The following DOP1A variants were observed in gnomAD, a reference collection of about 807,000 sequenced individuals.
DOP1A encodes DOP1 leucine zipper like protein A.
A neutral mutation model predicts 267.6 loss-of-function variants in DOP1A; 90 were observed. The ratio of observed to expected loss-of-function variants is 0.34; its 90% CI spans 0.28 to 0.40. DOP1A has a LOEUF of 0.40. Ranked by LOEUF, DOP1A falls within the 10% of genes least tolerant of loss-of-function variation. DOP1A has a pLI of 1.00. For missense variants in DOP1A, 2,437 were observed against 2,900.4 expected, an observed-to-expected ratio of 0.84 and a Z score of 3.67; for synonymous variants, 932 against 999.1, an observed-to-expected ratio of 0.93 and a Z score of 1.27.
At chr6:83,165,658 C>A (rs901767467) in intron 38 of DOP1A, 1 of 202,306 alleles carries the variant, frequency 4.9e-6, no homozygotes, top group Admixed American at 5.2e-5. Flanking sequence ...CCCTGCAAAA[C>A]GTTGCTGAGA....
intron 35 of DOP1A, among the ~76,000 whole-genome samples, 177 bp downstream of exon 35, chr6:83,157,495 G>C (rs1002903796): frequency 5.3e-5 from 8 of 152,128 alleles, no homozygotes; most frequent in Admixed American, 4.6e-4. Flanking sequence ...TTTCCATACA[G>C]CTTAAATTTA....
chr6:83,140,839 G>C (rs1476302741), intron 23 of DOP1A, among the ~76,000 whole-genome samples: 1 of 151,836 alleles, frequency 6.6e-6, no homozygotes, highest in East Asian at 1.9e-4. Flanking sequence ...ATATTTTTAA[G>C]GTTCATTCAT....
intron 4 of DOP1A, among the ~76,000 whole-genome samples, chr6:83,105,107 A>G (rs1434645836): frequency 6.6e-6 from 1 of 152,066 alleles, no homozygotes; most frequent in East Asian, 1.9e-4. Flanking sequence ...CCAAACAATT[A>G]AAATATATAC....
At chr6:83,152,620 CTT>C (rs35823510) in intron 30 of DOP1A, among the ~76,000 whole-genome samples, 10 of 133,854 alleles carry the variant, frequency 7.5e-5, no homozygotes, top group East Asian at 2.2e-4. Context: ...TTTTCTTTTT[CTT>C]TTTTTTTTTT....
intron 20 of DOP1A, 52 bp from the exon 21 acceptor site, chr6:83,137,121 A>T (rs1778983988): frequency 6.9e-7 from 1 of 1,443,140 alleles, no homozygotes; most frequent in South Asian, 1.5e-5. Flanking sequence ...CATTTCAATT[A>T]TTTTAATGCA....
chr6:83,135,563 G>T, intron 19 of DOP1A, 56 bp from the exon 20 acceptor site: 1 of 1,502,012 alleles, frequency 6.7e-7, no homozygotes, highest in Non-Finnish European at 9.0e-7. Flanking sequence ...TTTTATAAAA[G>T]AGTGTGACAA....
At chr6:83,130,067 G>A (rs1777786306) in intron 16 of DOP1A, 56 bp from the exon 17 acceptor site, 1 of 1,566,378 alleles carries the variant, frequency 6.4e-7, no homozygotes, top group South Asian at 1.2e-5. Flanking sequence ...TTAACTTAGA[G>A]TGTGTGTGAA....
chr6:83,155,528 A>G (rs1782614582), intron 33 of DOP1A, among the ~76,000 whole-genome samples: 1 of 152,104 alleles, frequency 6.6e-6, no homozygotes, highest in Non-Finnish European at 1.5e-5. Context: ...TGAGAGAATG[A>G]CAAGCAAGAC....
chr6:83,151,255 A>C (rs1781612459), intron 27 of DOP1A, among the ~76,000 whole-genome samples: 1 of 152,162 alleles, frequency 6.6e-6, no homozygotes, highest in Admixed American at 6.5e-5. Context: ...CTTGGCCTCA[A>C]GCAATTCTCC....
chr6:83,094,683 C>G (rs921602717), intron 1 of DOP1A, among the ~76,000 whole-genome samples: 2 of 152,070 alleles, frequency 1.3e-5, no homozygotes, highest in African/African-American at 2.4e-5. Flanking sequence ...GTACATTTTC[C>G]TTTTAGAAAT....
At chr6:83,078,652 C>T (rs767142035) in intron 1 of DOP1A, among the ~76,000 whole-genome samples, 23 of 152,134 alleles carry the variant, frequency 1.5e-4, no homozygotes, top group African/African-American at 2.7e-4. Context: ...GACTTTACAG[C>T]ATTTCTTGGA....
At chr6:83,164,150 G>A (rs1026034273) in intron 38 of DOP1A, among the ~76,000 whole-genome samples, 4 of 148,700 alleles carry the variant, frequency 2.7e-5, no homozygotes, top group African/African-American at 1.0e-4. Flanking sequence ...GTCTTCTGGA[G>A]TCCTCCTAAT....
chr6:83,166,043 T>A (rs1005597363), intron 38 of DOP1A: 1 of 281,564 alleles, frequency 3.6e-6, no homozygotes, highest in African/African-American at 2.2e-5. Flanking sequence ...CATCGCCAGT[T>A]GTCGTATAAA....
At position 83,125,691 on chromosome 6, in the gene DOP1A, A is replaced by C; in HGVS notation, c.1677A>C (p.Pro559=). 1 of 1,613,554 alleles carries C rather than the reference A, an allele frequency of 6.2e-7. No individual in the cohort carries two copies. Among genetic ancestry groups the C allele is most frequent in the Non-Finnish European group, 8.5e-7 (1 of 1,179,608 alleles). Residue 559 remains proline (P), a synonymous_variant, in exon 15 of 39, where the codon CCA becomes CCC. Coordinates refer to ENST00000349129, the MANE Select transcript of DOP1A (RefSeq NM_015018.4). ...SASTGGVLQF[P]SGQNNSVKEW... ...GCACTGGAGGTGTTTTGCAGTTTCC[A>C]AGTGGGCAGAACAATTCAGTCAAAG...
chr6:83,126,202 C>T (rs1777127883), intron 15 of DOP1A, among the ~76,000 whole-genome samples: 1 of 150,920 alleles, frequency 6.6e-6, no homozygotes, highest in East Asian at 1.9e-4. Flanking sequence ...AACAAAGGCA[C>T]CACTCAAAGG....
In DOP1A at chr6:83,148,819, T is replaced by C. The variant is rs775985975; in HGVS notation, c.5793T>C (p.Ser1931=). The C allele has an allele frequency of 1.3e-6, 2 of 1,554,928 alleles. No individual in the cohort carries two copies. The highest frequency in any genetic ancestry group is 8.6e-7 in the Non-Finnish European group (1 of 1,160,442). The part of the protein sequence containing the change: ...WASLLILLKD[S]IQLSLPAPGQ... ...CACTGTTGATACTTCTGAAAGACTCTATACAACTGAGTCTTCCAGCTCCAG... is the reference window on the plus strand; with the variant it reads ...CACTGTTGATACTTCTGAAAGACTCCATACAACTGAGTCTTCCAGCTCCAG... The change falls in exon 27 of 39, where the codon TCT becomes TCC. Residue 1931 remains serine (S), a synonymous_variant. Transcript: ENST00000349129.
intron 1 of DOP1A, among the ~76,000 whole-genome samples, chr6:83,068,092 G>A (rs181118499): frequency 1.2e-3 from 189 of 152,334 alleles, no homozygotes; most frequent in African/African-American, 4.4e-3. Context: ...GACAGGTCCC[G>A]AGCCTCCCCT....
At chr6:83,128,120 A>C (rs867733751) in intron 15 of DOP1A, among the ~76,000 whole-genome samples, 1 of 152,222 alleles carries the variant, frequency 6.6e-6, no homozygotes, top group South Asian at 2.1e-4. Context: ...CATTGCGTGA[A>C]GCCCAGCTTT....
At chr6:83,115,024 G>A (rs1217858720) in intron 7 of DOP1A, among the ~76,000 whole-genome samples, 1 of 152,034 alleles carries the variant, frequency 6.6e-6, no homozygotes, top group African/African-American at 2.4e-5. Context: ...TACAATCCAA[G>A]TATGGATTGT....
Sources: allele counts gnomAD v4.1 joint callset (sites outside exome capture counted in the v4.1 genomes callset), GRCh38; gene constraint gnomAD v4.1.1; transcripts MANE v1.5; gene names NCBI Gene and HGNC (gene_info 2026-07-23, HGNC 2026-07-21).